C4orf50: variants seen among roughly 807,000 people sequenced by gnomAD.
C4orf50 encodes the protein uncharacterized protein C4orf50.
In C4orf50, 80 loss-of-function variants were observed where a neutral mutation model predicts 77.2. That is an observed-to-expected ratio of 1.04 (90% CI 0.87 to 1.25). C4orf50 has a LOEUF of 1.25. Among genes scored for constraint, C4orf50 ranks in the 50% most tolerant of loss-of-function variants. The probability of loss-of-function intolerance (pLI) is 0.00; values close to 1 mark genes in which losing one functional copy is unlikely to be tolerated. For missense variants in C4orf50, 1,257 were observed against 1,152.9 expected (o/e 1.09, Z -1.31); for synonymous variants, 532 against 465.3 (o/e 1.14, Z -1.84).
chr4:5,931,464 T>C (rs1717765036), intron 7 of C4orf50, among the ~76,000 whole-genome samples: 1 of 152,214 alleles, frequency 6.6e-6, no homozygotes, highest in Non-Finnish European at 1.5e-5. Context: ...AGGATTCTCA[T>C]GTCACAGAAG....
intron 33 of C4orf50, among the ~76,000 whole-genome samples, chr4:5,960,687 G>A (rs963551588): frequency 1.3e-5 from 2 of 152,200 alleles, no homozygotes; most frequent in Admixed American, 6.5e-5. Context: ...TGCTGATGAA[G>A]CCTCCAGGAC....
At chr4:5,994,579 CT>C in intron 25 of C4orf50, 103 bp from the exon 4 acceptor site, 1 of 397,998 alleles carries the variant, frequency 2.5e-6, no homozygotes, top group East Asian at 3.6e-5. Flanking sequence ...GCTTGAGTCT[CT>C]TCCACAGGTG....
At chr4:5,986,401 CA>C (rs77089546) in intron 28 of C4orf50, among the ~76,000 whole-genome samples, 77,052 of 151,948 alleles carry the variant, frequency 0.51, 20,143 homozygotes, top group East Asian at 0.92. Flanking sequence ...CTAAATAACC[CA>C]ATGGGTCAAA....
intron 23 of C4orf50, among the ~76,000 whole-genome samples, chr4:6,012,761 A>G (rs1722539631): frequency 1.3e-5 from 2 of 152,178 alleles, no homozygotes; most frequent in African/African-American, 4.8e-5. Flanking sequence ...AAAGTCCGAA[A>G]AGAAAGCCCA....
chr4:5,979,324 T>A (rs1389418387), intron 29 of C4orf50, among the ~76,000 whole-genome samples: 1 of 152,242 alleles, frequency 6.6e-6, no homozygotes. Context: ...AAATAAGTTA[T>A]GATTTGGCCT....
intron 25 of C4orf50, among the ~76,000 whole-genome samples, chr4:6,005,344 C>T (rs1371136734): frequency 6.6e-6 from 1 of 152,162 alleles, no homozygotes; most frequent in Non-Finnish European, 1.5e-5. Flanking sequence ...GAGAACTGAG[C>T]CCCACATGAG....
At chr4:5,943,237 T>C (rs1239476243) in intron 7 of C4orf50, among the ~76,000 whole-genome samples, 1 of 152,224 alleles carries the variant, frequency 6.6e-6, no homozygotes, top group African/African-American at 2.4e-5. Flanking sequence ...CTTCTTAAAG[T>C]GATCACATCT....
intron 7 of C4orf50, among the ~76,000 whole-genome samples, chr4:5,934,224 C>T (rs557238972): frequency 1.2e-4 from 18 of 152,124 alleles, no homozygotes; most frequent in South Asian, 8.3e-4. Context: ...CAGTGTTTGG[C>T]GGCGACACAG....
chr4:5,913,698 G>C (rs1716906861), intron 7 of C4orf50, among the ~76,000 whole-genome samples: 1 of 152,140 alleles, frequency 6.6e-6, no homozygotes, highest in African/African-American at 2.4e-5. Flanking sequence ...ATCCTATTTA[G>C]AAATAAGGCA....
chr4:5,969,454 CA>C (rs149081828), intron 31 of C4orf50, among the ~76,000 whole-genome samples: 39,528 of 150,074 alleles, frequency 0.26, 5,993 homozygotes, highest in African/African-American at 0.41. Context: ...CAGGAGGTGG[CA>C]GGAGGAGGAA....
intron 7 of C4orf50, among the ~76,000 whole-genome samples, chr4:5,934,226 G>A (rs1179827844): frequency 1.3e-5 from 2 of 152,072 alleles, no homozygotes; most frequent in African/African-American, 2.4e-5. Flanking sequence ...GTGTTTGGCG[G>A]CGACACAGGA....
chr4:6,000,855 C>T lies in C4orf50; in HGVS notation c.964-6379G>A, dbSNP rs1284789834. The stretch of plus-strand genomic sequence containing the variant: ...GCAAATCCTGGTCCCACCATATTAC[C>T]GTCTGAATTTTCATGTCCCCCCAAA... On this transcript the variant is annotated intron_variant, in intron 25 of 33. Coordinates refer to ENST00000531445, the Ensembl canonical transcript of C4orf50. The surrounding 1 kb of genome is among the most constrained non-coding windows in gnomAD (Gnocchi z 6.0). Among the ~76,000 whole-genome samples the T allele has an allele frequency of 2.0e-5, 3 of 152,186 alleles. No homozygotes were observed. The highest frequency in any genetic ancestry group is 2.1e-4 in the South Asian group (1 of 4,822).
intron 7 of C4orf50, chr4:5,904,127 T>A (rs898211687): frequency 6.6e-6 from 1 of 152,232 alleles, no homozygotes; most frequent in African/African-American, 2.4e-5. Context: ...AGAAAACATG[T>A]GGCTCACTGA....
At chr4:5,975,139 CAAAAAAAAAAAAAAAA>C (rs763836859) in intron 30 of C4orf50, among the ~76,000 whole-genome samples, 9 of 82,868 alleles carry the variant, frequency 1.1e-4, no homozygotes, top group East Asian at 1.1e-3. Flanking sequence ...CACTCCATCT[CAAAAAAAAAAAAAAAA>C]AAAAAAAAAA....
Position 5,971,372 on chromosome 4 carries a change from C to T in C4orf50, c.4104+2287G>A, listed in dbSNP as rs75721904. Among the ~76,000 whole-genome samples the T allele has an allele frequency of 1.8e-4, 28 of 152,316 alleles. No individual in the cohort carries two copies. In the East Asian group the frequency reaches 5.0e-3, roughly 27 times the overall value. On this transcript the variant is annotated intron_variant, in intron 31 of 33. Transcript: ENST00000531445. ...AGGAATCAAGATGCAGACACCCTGC[C>T]GGGGCACAGGTGCCTGTGGCCTCCC...
At chr4:5,981,369 CA>C (rs1192909735) in intron 28 of C4orf50, among the ~76,000 whole-genome samples, 3 of 150,432 alleles carry the variant, frequency 2.0e-5, no homozygotes, top group Admixed American at 6.6e-5. Context: ...CTGAGATCAT[CA>C]GGGGGTATTT....
At position 5,905,355 on chromosome 4, in the gene C4orf50, T is replaced by C. The variant is rs778949695; in HGVS notation, c.*2475-7167A>G. 1 of 152,228 alleles carries C rather than the reference T, an allele frequency of 6.6e-6. No homozygotes were observed. The highest frequency in any genetic ancestry group is 2.4e-5 in the African/African-American group (1 of 41,454). 9.4% of individuals were successfully genotyped at this position (152,228 alleles called of 1,614,324 possible). The stretch of plus-strand genomic sequence containing the variant: ...TTATAATTTGGCTCACTGGAAAGGA[T>C]TGTAAATCATAGGCCACCTCTGCTC... On this transcript the variant is annotated intron_variant, in intron 7 of 7. Transcript: ENST00000324058. This position sits in a 1 kb window ranked among gnomAD's most constrained non-coding sequence, Gnocchi z 5.4.
intron 32 of C4orf50, among the ~76,000 whole-genome samples, chr4:5,965,969 G>A (rs916437692): frequency 1.3e-5 from 2 of 152,118 alleles, no homozygotes; most frequent in Non-Finnish European, 2.9e-5. Context: ...CCATCCAGAC[G>A]TTCTACACGT....
At chr4:6,016,798 A>G (rs1427411839) in intron 23 of C4orf50, among the ~76,000 whole-genome samples, 4 of 152,238 alleles carry the variant, frequency 2.6e-5, no homozygotes, top group Admixed American at 2.6e-4. Context: ...TTCTTCATGC[A>G]TAAAACTTTA....
Sources: gnomAD v4.1 joint callset for allele counts (sites outside exome capture counted in the v4.1 genomes callset) on GRCh38, gnomAD v4.1.1 for gene constraint, Gnocchi (gnomAD v3.1) non-coding constraint, MANE v1.5 for transcripts, NCBI Gene and HGNC (gene_info 2026-07-23, HGNC 2026-07-21) for gene names.